The following LAMB1 variants were observed in gnomAD, a reference collection of about 807,000 sequenced individuals.
LAMB1 encodes laminin subunit beta 1, also known as laminin subunit beta-1.
LAMB1 carries 121 observed loss-of-function variants against 222.3 expected under a neutral mutation model. The ratio of observed to expected loss-of-function variants is 0.54; its 90% CI spans 0.47 to 0.63. The LOEUF (loss-of-function observed/expected upper bound fraction) is 0.63. Among genes scored for constraint, LAMB1 ranks in the 30% least tolerant of loss-of-function variants. LAMB1 has a pLI of 0.00. For missense variants in LAMB1, 2,172 were observed against 2,240.8 expected, an observed-to-expected ratio of 0.97 and a Z score of 0.62; for synonymous variants, 794 against 807.2, an observed-to-expected ratio of 0.98 and a Z score of 0.28.
At chr7:107,988,419 C>T (rs1334916221) in intron 5 of LAMB1, among the ~76,000 whole-genome samples, 1 of 151,952 alleles carries the variant, frequency 6.6e-6, no homozygotes, top group Non-Finnish European at 1.5e-5. Flanking sequence ...ATATTTGAAA[C>T]CTCCAAGTAT....
chr7:107,975,111 A>C lies in LAMB1; in HGVS notation c.1370-13T>G, dbSNP rs199712943. 308 of 1,576,948 alleles carry C rather than the reference A, an allele frequency of 2.0e-4. 1 individual carries two copies. Among genetic ancestry groups the C allele is most frequent in the African/African-American group, 1.1e-3 (83 of 74,214 alleles). ...TTGCAAGCACAAGCTGTATTAAAAC[A>C]AAATGAAGTGGAGAAACACAGACCA... On this transcript the variant is annotated splice_polypyrimidine_tract_variant and intron_variant, in intron 11 of 33. Coordinates refer to ENST00000222399, the MANE Select transcript of LAMB1 (RefSeq NM_002291.3).
In LAMB1 at chr7:107,939,882, A is replaced by C. The variant is rs1584490516; in HGVS notation, c.3761+107T>G. ...CTCAGAATCTGTTCTCACCCACAGGACTAACAAAACCTCCTGATGGAAGCA... is the reference window on the plus strand; with the variant it reads ...CTCAGAATCTGTTCTCACCCACAGGCCTAACAAAACCTCCTGATGGAAGCA... On this transcript the variant is annotated intron_variant, in intron 25 of 33. Coordinates refer to ENST00000222399, the MANE Select transcript of LAMB1 (RefSeq NM_002291.3). 4 of 1,277,278 alleles carry C rather than the reference A, an allele frequency of 3.1e-6. No homozygotes were observed. In the East Asian group the frequency reaches 7.0e-5, roughly 22 times the overall value. The allele number at this position is 1,277,278 out of a possible 1,614,324, so 79.1% of individuals were successfully genotyped here.
At chr7:107,954,503 A>G (rs983781365) in intron 21 of LAMB1, among the ~76,000 whole-genome samples, 1 of 151,750 alleles carries the variant, frequency 6.6e-6, no homozygotes, top group East Asian at 2.0e-4. Flanking sequence ...GGCTGGGCGC[A>G]GTGGCTCACG....
rs775588813 is a variant in LAMB1, at chr7:107,940,357, G to A, written c.3393C>T (p.Ala1131=). 8 of 1,610,194 alleles carry A rather than the reference G, an allele frequency of 5.0e-6. No individual in the cohort carries two copies. The highest frequency in any genetic ancestry group is 6.8e-6 in the Non-Finnish European group (8 of 1,176,786). ...FWGDPDVECR[A]CDCDPRGIET... ...CAATGCCCCTGGGGTCACAGTCACAGGCTAGAAGGGAATAAGCAATGCTAG... is the reference window on the plus strand; with the variant it reads ...CAATGCCCCTGGGGTCACAGTCACAAGCTAGAAGGGAATAAGCAATGCTAG... Residue 1131 remains alanine, a splice_region_variant and synonymous_variant, in exon 25 of 34, where the codon GCC becomes GCT. Coordinates refer to ENST00000222399, the MANE Select transcript of LAMB1 (RefSeq NM_002291.3).
intron 29 of LAMB1, among the ~76,000 whole-genome samples, chr7:107,930,736 C>G (rs541689548): frequency 2.6e-5 from 4 of 152,244 alleles, no homozygotes; most frequent in African/African-American, 7.2e-5. Context: ...TGGCAGCTAC[C>G]TTGTAACCAT....
intron 28 of LAMB1, chr7:107,931,815 G>T (rs553886880): frequency 1.0e-3 from 490 of 469,002 alleles, no homozygotes; most frequent in Middle Eastern, 1.7e-3. Flanking sequence ...AAAAGTGTGT[G>T]TCACTTTAGA....
At chr7:107,950,128 G>A (rs2033209454) in intron 24 of LAMB1, among the ~76,000 whole-genome samples, 1 of 152,148 alleles carries the variant, frequency 6.6e-6, no homozygotes, top group Admixed American at 6.5e-5. Flanking sequence ...TATTTGGGAG[G>A]CTGAGGCAGG....
chr7:107,978,607 C>A (rs566741127), intron 8 of LAMB1, among the ~76,000 whole-genome samples: 4 of 151,862 alleles, frequency 2.6e-5, no homozygotes, highest in South Asian at 2.1e-4. Context: ...AGCCAAATCA[C>A]CATTTTTTTA....
At chr7:107,957,289 G>A (rs1361420599) in intron 20 of LAMB1, among the ~76,000 whole-genome samples, 1 of 152,216 alleles carries the variant, frequency 6.6e-6, no homozygotes, top group African/African-American at 2.4e-5. Context: ...TACTTGGGAG[G>A]CTGAGACAGG....
At chr7:107,932,726 G>A in intron 27 of LAMB1, 2 of 276,624 alleles carry the variant, frequency 7.2e-6, no homozygotes, top group African/African-American at 2.3e-5. Context: ...TAACCAGTTA[G>A]AGTTTAAAAA....
intron 3 of LAMB1, among the ~76,000 whole-genome samples, chr7:107,998,706 C>A (rs553885141): frequency 1.3e-5 from 2 of 152,262 alleles, no homozygotes; most frequent in African/African-American, 4.8e-5. Context: ...TCCTTCCTTG[C>A]AAATTCAAGA....
At chr7:107,959,888 T>C in intron 18 of LAMB1, 54 bp from the exon 19 acceptor site, 3 of 1,573,014 alleles carry the variant, frequency 1.9e-6, no homozygotes, top group South Asian at 2.3e-5. Flanking sequence ...ATCATCGGGC[T>C]CTCCCTGATC....
Position 107,935,513 on chromosome 7 carries a change from C to A in LAMB1, c.4090G>T (p.Glu1364Ter). 1 of 1,613,982 alleles carries A rather than the reference C, an allele frequency of 6.2e-7. No individual in the cohort carries two copies. The highest frequency in any genetic ancestry group is 8.5e-7 in the Non-Finnish European group (1 of 1,179,992). ...DRVEDVMMERESQFKEKQEEQ... is the reference protein window; with the variant it reads ...DRVEDVMMER ...TCTTGTTTTTCCTTGAACTGGGATT[C>A]TCGCTCCATCATCACGTCTTCTACT... The change falls in exon 27 of 34, where the codon GAA becomes TAA. Residue 1364 changes from glutamate (E) to a stop codon, truncating the protein, a stop_gained. Coordinates refer to ENST00000222399, the MANE Select transcript of LAMB1 (RefSeq NM_002291.3). LOFTEE classifies it high-confidence loss of function.
rs141106023 is a variant in LAMB1, at chr7:107,931,405, G to A, written c.4488C>T (p.Ser1496=). The change falls in exon 29 of 34, where the codon AGC becomes AGT. Residue 1496 remains serine (S), a synonymous_variant. Transcript: ENST00000222399. ...TGATTAGATTTCTCAGCTCCTCATT[G>A]CTCTTGTCCATTTTTTCTTTGGTAG... ...TNATKEKMDK[S]NEELRNLIKQ... 6.2e-6 allele frequency: 10 copies of A among 1,613,622 alleles called. No homozygotes were observed. The African/African-American group carries it at 6.7e-5, about 11-fold the overall frequency.
chr7:107,974,233 A>C (rs1309056571), intron 12 of LAMB1, among the ~76,000 whole-genome samples: 1 of 152,120 alleles, frequency 6.6e-6, no homozygotes, highest in African/African-American at 2.4e-5. Context: ...TTAAAAACTT[A>C]TCTCATAATT....
chr7:107,953,351 TGTCTCATTAAAAAAAAAAAAAAAATTG>T (rs1436600120), intron 22 of LAMB1, among the ~76,000 whole-genome samples, 152 bp downstream of exon 22: 2 of 118,046 alleles, frequency 1.7e-5, no homozygotes, highest in African/African-American at 6.7e-5. Context: ...AGTGAGACTC[TGTCTCATTAAAAAAAAAAAAAAAATTG>T]GTCTCATCTT....
intron 26 of LAMB1, 115 bp from the exon 27 acceptor site, chr7:107,935,771 T>A: frequency 2.5e-6 from 3 of 1,193,320 alleles, no homozygotes; most frequent in African/African-American, 1.5e-5. Flanking sequence ...GTTTTAAAAT[T>A]CAAGAAAAAA....
At chr7:107,970,147 A>G (rs895192369) in intron 13 of LAMB1, among the ~76,000 whole-genome samples, 1 of 152,164 alleles carries the variant, frequency 6.6e-6, no homozygotes, top group Non-Finnish European at 1.5e-5. Context: ...GAGATGCAGA[A>G]GCAATGCATC....
Position 107,975,604 on chromosome 7 carries a change from C to A in LAMB1, c.1189+85G>T, listed in dbSNP as rs11770289. 125,259 of 1,353,778 alleles carry A rather than the reference C, an allele frequency of 0.093. 6,239 individuals carry two copies. The highest frequency in any genetic ancestry group is 0.15 in the Admixed American group (7,280 of 48,338). 83.9% of individuals were successfully genotyped at this position (1,353,778 alleles called of 1,614,324 possible). ...AACAATGCTGGCTTTACTGCTCATA[C>A]TATGAGCTCTGAGACTACTGACTAT... On this transcript the variant is annotated intron_variant, in intron 10 of 33. Transcript: ENST00000222399.
Sources: allele counts gnomAD v4.1 joint callset (sites outside exome capture counted in the v4.1 genomes callset), GRCh38; gene constraint gnomAD v4.1.1; transcripts MANE v1.5; gene names NCBI Gene and HGNC (gene_info 2026-07-23, HGNC 2026-07-21).